Variants in TJP1 observed in about 807,000 individuals in gnomAD.
TJP1 encodes tight junction protein ZO-1.
TJP1 carries 43 observed loss-of-function variants against 194.2 expected under a neutral mutation model. The ratio of observed to expected loss-of-function variants is 0.22; its 90% CI spans 0.17 to 0.29. TJP1 has a LOEUF of 0.29. TJP1 is among the 10% of genes least tolerant of loss of function. The pLI is 1.00. For missense variants in TJP1, 1,971 were observed against 2,185.7 expected, an observed-to-expected ratio of 0.90 and a Z score of 1.96; for synonymous variants, 801 against 779.0, an observed-to-expected ratio of 1.03 and a Z score of -0.47.
At chr15:29,810,590 G>C (rs1359685560) in intron 1 of TJP1, among the ~76,000 whole-genome samples, 3 of 152,180 alleles carry the variant, frequency 2.0e-5, no homozygotes, top group African/African-American at 7.2e-5. Flanking sequence ...TGAGTTAACA[G>C]CATTGAAAAG....
intron 24 of TJP1, among the ~76,000 whole-genome samples, chr15:29,709,922 G>A (rs1421775534): frequency 6.6e-6 from 1 of 152,186 alleles, no homozygotes; most frequent in Non-Finnish European, 1.5e-5. Context: ...GAGGTGGGCG[G>A]ATCACCTGAG....
chr15:29,899,030 G>A (rs1476086034), intron 2 of TJP1, among the ~76,000 whole-genome samples: 1 of 152,216 alleles, frequency 6.6e-6, no homozygotes, highest in Non-Finnish European at 1.5e-5. Context: ...GATAAGGAGT[G>A]TTAGGGTGGG....
chr15:29,794,968 C>T (rs1043426879), intron 2 of TJP1, among the ~76,000 whole-genome samples: 43 of 152,032 alleles, frequency 2.8e-4, no homozygotes, highest in African/African-American at 9.2e-4. Context: ...AAACCTCTAG[C>T]CAGACTGACC....
intron 2 of TJP1, among the ~76,000 whole-genome samples, chr15:29,780,158 C>T (rs528933996): frequency 6.6e-6 from 1 of 152,158 alleles, no homozygotes; most frequent in Non-Finnish European, 1.5e-5. Flanking sequence ...TCGGGACAAT[C>T]CAAGTACATT....
At chr15:29,833,392 T>C (rs1032423619) in intron 2 of TJP1, among the ~76,000 whole-genome samples, 24 of 152,282 alleles carry the variant, frequency 1.6e-4, no homozygotes, top group Non-Finnish European at 2.9e-4. Flanking sequence ...GCTATTTAAT[T>C]GGAAAATTTT....
At chr15:29,957,784 G>T (rs1356311971) in intron 1 of TJP1, among the ~76,000 whole-genome samples, 1 of 152,194 alleles carries the variant, frequency 6.6e-6, no homozygotes, top group African/African-American at 2.4e-5. Flanking sequence ...AAAGTAGAAA[G>T]GCAGAGTCAG....
chr15:29,953,847 A>T lies in TJP1; in HGVS notation c.306+2385T>A, dbSNP rs577880835. On this transcript the variant is annotated intron_variant, in intron 2 of 28. Coordinates refer to the TJP1 transcript ENST00000356107. ...GAGGAATGAAATGTCAGCATACCAAAGTCCATGGCTTTTCAATGCACTCTT... is the reference window on the plus strand; with the variant it reads ...GAGGAATGAAATGTCAGCATACCAATGTCCATGGCTTTTCAATGCACTCTT... Among the ~76,000 whole-genome samples the T allele has an allele frequency of 5.3e-5, 8 of 152,338 alleles. No individual in the cohort carries two copies. In the East Asian group the frequency reaches 1.5e-3, roughly 29 times the overall value.
At position 29,750,697 on chromosome 15, in the gene TJP1, G is replaced by A. The variant is rs1046545181; in HGVS notation, c.1011-7916C>T. Among the ~76,000 whole-genome samples the A allele has an allele frequency of 1.6e-4, 25 of 152,198 alleles. No individual in the cohort carries two copies. In the South Asian group the frequency reaches 1.7e-3, roughly 10 times the overall value. ...CCTTAATACAGGAAATAAATGAAGC[G>A]CTGAACATTCACTCTAGTAGAATAT... On this transcript the variant is annotated intron_variant, in intron 8 of 27. Coordinates refer to ENST00000614355, the MANE Select transcript of TJP1 (RefSeq NM_001330239.4).
chr15:29,918,825 A>T (rs1007667595), intron 2 of TJP1, among the ~76,000 whole-genome samples: 2 of 152,194 alleles, frequency 1.3e-5, no homozygotes, highest in Admixed American at 6.5e-5. Flanking sequence ...AAAAAGAGAG[A>T]TCAAACATAG....
intron 2 of TJP1, among the ~76,000 whole-genome samples, chr15:29,919,397 C>G (rs972184600): frequency 2.2e-4 from 34 of 152,270 alleles, no homozygotes; most frequent in African/African-American, 7.9e-4. Flanking sequence ...AGTCATACAA[C>G]AGTGTTTTTT....
intron 2 of TJP1, among the ~76,000 whole-genome samples, chr15:29,849,158 C>T (rs1376356198): frequency 1.3e-5 from 2 of 151,932 alleles, no homozygotes; most frequent in Non-Finnish European, 2.9e-5. Flanking sequence ...GTAGGCTTGA[C>T]CCTTGGCTAA....
chr15:29,796,425 A>T (rs1809989052), intron 2 of TJP1, among the ~76,000 whole-genome samples: 1 of 151,756 alleles, frequency 6.6e-6, no homozygotes, highest in South Asian at 2.1e-4. Flanking sequence ...AAAACTATTT[A>T]CAATAGCGCC....
intron 2 of TJP1, among the ~76,000 whole-genome samples, chr15:29,943,628 CAAAAAAAAAA>C (rs71103417): frequency 2.0e-5 from 1 of 51,016 alleles, no homozygotes; most frequent in Non-Finnish European, 3.4e-5. Context: ...GACTCCATCT[CAAAAAAAAAA>C]AAAAAAAAAA....
At chr15:29,774,663 T>C (rs983691122) in intron 2 of TJP1, among the ~76,000 whole-genome samples, 8 of 152,044 alleles carry the variant, frequency 5.3e-5, no homozygotes, top group African/African-American at 1.9e-4. Context: ...TGAAAATGTT[T>C]TAAAATGGAC....
chr15:29,827,716 CA>C (rs2152038002), intron 2 of TJP1, among the ~76,000 whole-genome samples: 1 of 152,286 alleles, frequency 6.6e-6, no homozygotes, highest in South Asian at 2.1e-4. Flanking sequence ...GCATAAAAAA[CA>C]TGACAAGTCA....
chr15:29,774,056 G>A (rs1026244537), intron 2 of TJP1, among the ~76,000 whole-genome samples: 1 of 152,114 alleles, frequency 6.6e-6, no homozygotes, highest in Non-Finnish European at 1.5e-5. Flanking sequence ...TAATCTCAAA[G>A]AAATCACTAT....
chr15:29,871,173 A>G (rs1010106315), intron 2 of TJP1, among the ~76,000 whole-genome samples: 1 of 152,228 alleles, frequency 6.6e-6, no homozygotes, highest in Non-Finnish European at 1.5e-5. Flanking sequence ...TCAGCAACTC[A>G]AGGCTCATTT....
At chr15:29,856,198 G>C (rs1332392012) in intron 2 of TJP1, among the ~76,000 whole-genome samples, 2 of 152,152 alleles carry the variant, frequency 1.3e-5, no homozygotes, top group Non-Finnish European at 2.9e-5. Flanking sequence ...AGGCTGAGGA[G>C]GGAGGATCAC....
At chr15:29,702,105 T>C (rs76901109) in intron 27 of TJP1, among the ~76,000 whole-genome samples, 1 of 151,084 alleles carries the variant, frequency 6.6e-6, no homozygotes, top group Non-Finnish European at 1.5e-5. Context: ...TTTTTTTTTT[T>C]CCAGTTTCGA....
Sources: gnomAD v4.1 joint callset for allele counts (sites outside exome capture counted in the v4.1 genomes callset) on GRCh38, gnomAD v4.1.1 for gene constraint, MANE v1.5 for transcripts, NCBI Gene and HGNC (gene_info 2026-07-23, HGNC 2026-07-21) for gene names.